The following AKR1E2 variants were observed in gnomAD, a reference collection of about 807,000 sequenced individuals.
The protein encoded by AKR1E2 is 1,5-anhydro-D-fructose reductase.
In AKR1E2, 43 loss-of-function variants were observed where a neutral mutation model predicts 41.9. The ratio of observed to expected loss-of-function variants is 1.03; its 90% confidence interval spans 0.80 to 1.32. The LOEUF (loss-of-function observed/expected upper bound fraction) is 1.32, where lower values mean the gene tolerates loss of function less well. Ranked by LOEUF, AKR1E2 falls within the 40% of genes most tolerant of loss-of-function variation. The pLI is 0.00. For missense variants in AKR1E2, 423 were observed against 396.5 expected, an observed-to-expected ratio of 1.07 and a Z score of -0.57; for synonymous variants, 121 against 138.9, an observed-to-expected ratio of 0.87 and a Z score of 0.91.
At chr10:4,852,642 A>T (rs1213535621), downstream of AKR1E2, among the ~76,000 whole-genome samples, 1 of 152,200 alleles carries the variant, frequency 6.6e-6, no homozygotes, top group African/African-American at 2.4e-5. Context: ...ATTTACGCTG[A>T]AGCAGGTTAG....
intron 1 of AKR1E2, among the ~76,000 whole-genome samples, chr10:4,829,772 A>G (rs1485503217): frequency 6.6e-6 from 1 of 152,046 alleles, no homozygotes; most frequent in Non-Finnish European, 1.5e-5. Flanking sequence ...CATTCGTGTC[A>G]GTTTTTTAAA....
chr10:4,846,029 G>C, intron 8 of AKR1E2: 1 of 370,156 alleles, frequency 2.7e-6, no homozygotes. Context: ...CCCCAGTGCC[G>C]CTCAGAACTG....
chr10:4,858,632 G>C, the AKR1E2 span, among the ~76,000 whole-genome samples: 1 of 152,062 alleles, frequency 6.6e-6, no homozygotes, highest in African/African-American at 2.4e-5. Flanking sequence ...TGCCCAAGAC[G>C]AGAGGAATAT....
chr10:4,864,618 G>T, the AKR1E2 span, among the ~76,000 whole-genome samples: 1 of 152,142 alleles, frequency 6.6e-6, no homozygotes, highest in Non-Finnish European at 1.5e-5. Context: ...GGGCAATCAG[G>T]CAGGAGAAAG....
intron 6 of AKR1E2, 133 bp downstream of exon 6, chr10:4,839,959 G>A (rs1440234872): frequency 1.2e-6 from 1 of 806,512 alleles, no homozygotes; most frequent in East Asian, 2.6e-5. Flanking sequence ...TACTATAGGG[G>A]GCTGTCCACA....
At chr10:4,840,866 G>A (rs548314537) in intron 6 of AKR1E2, among the ~76,000 whole-genome samples, 51 of 152,166 alleles carry the variant, frequency 3.4e-4, no homozygotes, top group African/African-American at 1.2e-3. Context: ...TTTCTTCTCA[G>A]TCCCTTCCAC....
Position 4,833,271 on chromosome 10 carries a change from T to A in AKR1E2, c.208-79T>A, listed in dbSNP as rs193061556. On this transcript the variant is annotated intron_variant, in intron 2 of 9. Coordinates refer to ENST00000298375, the MANE Select transcript of AKR1E2 (RefSeq NM_001040177.3). ...CTTGGCTATTTTGGGTTCAAGACAGTAGCTTTGTGGGGCTACAGAATGGGT... is the reference window on the plus strand; with the variant it reads ...CTTGGCTATTTTGGGTTCAAGACAGAAGCTTTGTGGGGCTACAGAATGGGT... 276 of 1,167,434 alleles carry A rather than the reference T, an allele frequency of 2.4e-4. No homozygotes were observed. In the African/African-American group the frequency reaches 3.5e-3, roughly 15 times the overall value. 72.3% of individuals were successfully genotyped at this position (1,167,434 alleles called of 1,614,324 possible). A position where few individuals can be genotyped will look rare whatever the true frequency, so the allele number is the denominator to read the frequency against.
At chr10:4,852,007 A>T (rs1416263921), downstream of AKR1E2, among the ~76,000 whole-genome samples, 1 of 152,190 alleles carries the variant, frequency 6.6e-6, no homozygotes, top group Non-Finnish European at 1.5e-5. Context: ...GCTCCGTTCC[A>T]TGTGACGCCA....
At chr10:4,864,779 A>G in the AKR1E2 span, among the ~76,000 whole-genome samples, 1 of 152,230 alleles carries the variant, frequency 6.6e-6, no homozygotes, top group Non-Finnish European at 1.5e-5. Context: ...TACAAAATCA[A>G]TGTGCAAAAA....
chr10:4,863,220 C>G, the AKR1E2 span, among the ~76,000 whole-genome samples: 1 of 152,130 alleles, frequency 6.6e-6, no homozygotes, highest in African/African-American at 2.4e-5. Context: ...GTAAAGCACT[C>G]CTCAGCAAAT....
At chr10:4,825,154 G>T (rs552949011), upstream of AKR1E2, 95 of 357,756 alleles carry the variant, frequency 2.7e-4, no homozygotes, top group African/African-American at 1.7e-3. Flanking sequence ...TGCAAGTTGG[G>T]TGGGAGGCAG....
At chr10:4,828,705 C>G (rs1297601033) in intron 1 of AKR1E2, among the ~76,000 whole-genome samples, 7 of 152,264 alleles carry the variant, frequency 4.6e-5, no homozygotes, top group African/African-American at 1.7e-4. Context: ...GCATGGTATT[C>G]TTCTCTGTTA....
intron 1 of AKR1E2, among the ~76,000 whole-genome samples, chr10:4,830,036 C>G (rs1175287802): frequency 1.3e-5 from 2 of 152,186 alleles, no homozygotes; most frequent in African/African-American, 4.8e-5. Context: ...TTATGCTGCT[C>G]TAACTCCTAG....
In AKR1E2 at chr10:4,826,254, C is replaced by T; in HGVS notation, c.-71C>T. ...TCGCAACGGCGGGTCGCCAGCGCCG[C>T]AGTAGCTCGCGCGGTGCCTGTCGGT... On this transcript the variant is annotated 5_prime_UTR_variant, in exon 1 of 10. Coordinates refer to ENST00000298375, the MANE Select transcript of AKR1E2 (RefSeq NM_001040177.3). 8.4e-7 allele frequency: 1 copy of T among 1,193,412 alleles called. No homozygotes were observed. The highest frequency in any genetic ancestry group is 1.1e-6 in the Non-Finnish European group (1 of 952,026). 73.9% of individuals were successfully genotyped at this position (1,193,412 alleles called of 1,614,324 possible).
intron 3 of AKR1E2, among the ~76,000 whole-genome samples, chr10:4,834,338 A>G (rs1325896972): frequency 1.3e-5 from 2 of 152,224 alleles, no homozygotes; most frequent in Admixed American, 1.3e-4. Context: ...TTACTTAACT[A>G]AGGCTTTGTA....
At chr10:4,857,497 T>C in the AKR1E2 span, among the ~76,000 whole-genome samples, 6 of 152,164 alleles carry the variant, frequency 3.9e-5, no homozygotes, top group African/African-American at 1.4e-4. Flanking sequence ...TTCCTGAAGC[T>C]TCCCCAGAAG....
chr10:4,870,491 AT>A, the AKR1E2 span, among the ~76,000 whole-genome samples: 82 of 63,588 alleles, frequency 1.3e-3, no homozygotes, highest in Non-Finnish European at 2.6e-3. Flanking sequence ...TGGAAAAAAA[AT>A]CTTTTATTTT....
rs1452235389 is a variant in AKR1E2 at position 4,826,336 on chromosome 10, C to A, written c.12C>A (p.Ile4=). The A allele has an allele frequency of 4.0e-6, 5 of 1,234,724 alleles. No individual in the cohort carries two copies. The highest frequency in any genetic ancestry group is 4.1e-6 in the Non-Finnish European group (4 of 987,598). The allele number at this position is 1,234,724 out of a possible 1,614,324, so 76.5% of individuals were successfully genotyped here. Residue 4 remains isoleucine (I), a synonymous_variant, in exon 1 of 10, where the codon ATC becomes ATA. Coordinates refer to ENST00000298375, the MANE Select transcript of AKR1E2 (RefSeq NM_001040177.3). MGD[I]PAVGLSSWKA... ...GGCCGGCGGCGGCCATGGGAGATAT[C>A]CCAGCCGTGGGCCTCAGCTCCTGGA...
downstream of AKR1E2, among the ~76,000 whole-genome samples, chr10:4,849,609 G>A (rs899046064): frequency 6.6e-6 from 1 of 152,236 alleles, no homozygotes; most frequent in Non-Finnish European, 1.5e-5. Context: ...AGAGGCTGGG[G>A]AGGGCAGGGG....
Sources: allele counts gnomAD v4.1 joint callset (sites outside exome capture counted in the v4.1 genomes callset), GRCh38; gene constraint gnomAD v4.1.1; transcripts MANE v1.5; gene names NCBI Gene and HGNC (gene_info 2026-07-23, HGNC 2026-07-21).